CDH12: variants seen among roughly 807,000 people sequenced by gnomAD.
CDH12 encodes cadherin 12, also known as cadherin-12.
In CDH12, 41 loss-of-function variants were observed where a neutral mutation model predicts 74.1. The observed-to-expected ratio is 0.55, with a 90% confidence interval of 0.43 to 0.72. The LOEUF (loss-of-function observed/expected upper bound fraction) is 0.72, where lower values mean the gene tolerates loss of function less well. CDH12 is among the 30% of genes least tolerant of loss of function. The pLI is 0.00. For synonymous variants in CDH12, 399 were observed against 355.0 expected (o/e 1.12, Z -1.39); for missense variants, 945 against 977.2 (o/e 0.97, Z 0.44).
chr5:22,711,485 G>A (rs1000971425), intron 1 of CDH12, among the ~76,000 whole-genome samples: 7 of 152,012 alleles, frequency 4.6e-5, no homozygotes, highest in Non-Finnish European at 1.0e-4. Flanking sequence ...AGAAACAAAG[G>A]TCATCATTGG....
intron 3 of CDH12, among the ~76,000 whole-genome samples, chr5:22,374,652 T>C (rs1292317238): frequency 1.3e-5 from 2 of 152,108 alleles, no homozygotes; most frequent in East Asian, 1.9e-4. Flanking sequence ...TAAGCATTTC[T>C]ATACTTCAAT....
chr5:22,713,355 A>C (rs952321479), intron 1 of CDH12, among the ~76,000 whole-genome samples: 4 of 151,520 alleles, frequency 2.6e-5, no homozygotes, highest in Non-Finnish European at 5.9e-5. Flanking sequence ...GTTGGCCAGG[A>C]TGGTCTCAAT....
chr5:21,988,491 C>CAAAAAAAAAAAAAAAAAAAA (rs1157872208), intron 5 of CDH12, among the ~76,000 whole-genome samples: 1 of 29,472 alleles, frequency 3.4e-5, no homozygotes, highest in African/African-American at 6.7e-5. Flanking sequence ...GACTCCGTCT[C>CAAAAAAAAAAAAAAAAAAAA]AAAAAAAAAA....
intron 1 of CDH12, among the ~76,000 whole-genome samples, chr5:22,815,769 C>CAAAAAAAAAAA (rs34135797): frequency 1.0e-5 from 1 of 97,092 alleles, no homozygotes; most frequent in Non-Finnish European, 2.0e-5. Context: ...GACTCCGTCT[C>CAAAAAAAAAAA]AAAAAAAAAA....
intron 2 of CDH12, among the ~76,000 whole-genome samples, chr5:22,490,593 A>G (rs745401173): frequency 2.0e-5 from 3 of 152,162 alleles, no homozygotes; most frequent in Non-Finnish European, 4.4e-5. Flanking sequence ...GGCTCTCTGC[A>G]AATTTCTCAA....
At chr5:21,807,905 T>C (rs574505058) in intron 9 of CDH12, among the ~76,000 whole-genome samples, 1 of 151,990 alleles carries the variant, frequency 6.6e-6, no homozygotes, top group Non-Finnish European at 1.5e-5. Flanking sequence ...ATTAAGGAGA[T>C]TTTACTTGAG....
chr5:22,220,529 G>C (rs1007613719), intron 3 of CDH12, among the ~76,000 whole-genome samples: 1 of 150,838 alleles, frequency 6.6e-6, no homozygotes, highest in Non-Finnish European at 1.5e-5. Flanking sequence ...TTTTTTTCTT[G>C]ATTGGCATTG....
intron 7 of CDH12, among the ~76,000 whole-genome samples, chr5:21,853,699 T>C (rs912865627): frequency 1.3e-5 from 2 of 151,692 alleles, no homozygotes; most frequent in Non-Finnish European, 3.0e-5. Context: ...AATTATAAAA[T>C]GTTTAACTTA....
intron 6 of CDH12, among the ~76,000 whole-genome samples, chr5:21,898,014 T>C (rs1256730809): frequency 1.3e-5 from 2 of 152,172 alleles, no homozygotes; most frequent in Admixed American, 1.3e-4. Context: ...CTGATATTTT[T>C]ATTAAAGTCA....
At position 22,328,789 on chromosome 5, in the gene CDH12, G is replaced by A. The variant is rs1739228098; in HGVS notation, c.-333+76468C>T. On this transcript the variant is annotated intron_variant, in intron 3 of 14. Coordinates refer to ENST00000382254, the MANE Select transcript of CDH12 (RefSeq NM_004061.5). ...TTGTGGTGAGGGAAACAAAGAAGCT[G>A]TTGAAGTAGATTTGAGATCAGATCT... Among the ~76,000 whole-genome samples, 6 of 152,292 alleles carry A rather than the reference G, an allele frequency of 3.9e-5. No individual in the cohort carries two copies. The South Asian group carries it at 1.2e-3, about 32-fold the overall frequency.
intron 3 of CDH12, among the ~76,000 whole-genome samples, chr5:22,279,960 C>T (rs149110639): frequency 0.025 from 3,835 of 152,226 alleles, 70 homozygotes; most frequent in African/African-American, 0.052. Context: ...ACACTATCTT[C>T]CACAATGGTT....
At chr5:22,695,298 T>C (rs1742304572) in intron 1 of CDH12, among the ~76,000 whole-genome samples, 1 of 152,186 alleles carries the variant, frequency 6.6e-6, no homozygotes, top group Admixed American at 6.5e-5. Context: ...AGTGCTACAA[T>C]AAACATACGT....
intron 1 of CDH12, among the ~76,000 whole-genome samples, chr5:22,589,644 C>T (rs976466028): frequency 6.6e-6 from 1 of 152,102 alleles, no homozygotes; most frequent in African/African-American, 2.4e-5. Context: ...AACACTTTTC[C>T]TCGGCTTCTG....
At chr5:21,921,917 C>G (rs16888715) in intron 6 of CDH12, among the ~76,000 whole-genome samples, 32,074 of 152,176 alleles carry the variant, frequency 0.21, 4,776 homozygotes, top group African/African-American at 0.42. Flanking sequence ...TTGCCTCAAA[C>G]TGGCTAACTC....
intron 1 of CDH12, among the ~76,000 whole-genome samples, chr5:22,778,434 A>T (rs979353154): frequency 2.0e-5 from 3 of 152,170 alleles, no homozygotes; most frequent in African/African-American, 7.2e-5. Context: ...ACAATTCTAT[A>T]CATATCTCCC....
intron 3 of CDH12, among the ~76,000 whole-genome samples, chr5:22,278,871 A>C (rs1192093081): frequency 6.6e-6 from 1 of 152,194 alleles, no homozygotes; most frequent in Non-Finnish European, 1.5e-5. Context: ...GCTACAAAAT[A>C]AATCTTCAAA....
At chr5:22,401,543 T>C (rs1224699141) in intron 3 of CDH12, among the ~76,000 whole-genome samples, 1 of 152,152 alleles carries the variant, frequency 6.6e-6, no homozygotes, top group South Asian at 2.1e-4. Context: ...AAACTAGTAA[T>C]AGACACAAAT....
chr5:21,931,002 T>C (rs113774855), intron 6 of CDH12, among the ~76,000 whole-genome samples: 7,350 of 152,274 alleles, frequency 0.048, 236 homozygotes, highest in Middle Eastern at 0.085. Context: ...AACAGGTATG[T>C]GCCAAAATGT....
intron 3 of CDH12, among the ~76,000 whole-genome samples, chr5:22,346,638 C>T (rs543876030): frequency 2.0e-5 from 3 of 152,110 alleles, no homozygotes; most frequent in Non-Finnish European, 2.9e-5. Flanking sequence ...GGAGTTGGTA[C>T]GTGGCATGAA....
Sources: gnomAD v4.1 joint callset for allele counts (sites outside exome capture counted in the v4.1 genomes callset) on GRCh38, gnomAD v4.1.1 for gene constraint, MANE v1.5 for transcripts, NCBI Gene and HGNC (gene_info 2026-07-23, HGNC 2026-07-21) for gene names.